Variants in RSF1 observed in about 807,000 individuals in gnomAD.
RSF1 encodes remodeling and spacing factor 1.
Under a neutral mutation model 145.2 loss-of-function variants are expected in RSF1, and 13 were observed. That is an observed-to-expected ratio of 0.09 (90% CI 0.06 to 0.14). The LOEUF (loss-of-function observed/expected upper bound fraction) is 0.14. Among genes scored for constraint, RSF1 ranks in the 10% least tolerant of loss-of-function variants. The pLI is 1.00. For missense variants in RSF1, 1,517 were observed against 1,718.2 expected, an observed-to-expected ratio of 0.88 and a Z score of 2.07; for synonymous variants, 577 against 592.6, an observed-to-expected ratio of 0.97 and a Z score of 0.38.
Position 77,700,818 on chromosome 11 carries a change from T to C in RSF1, c.2411A>G (p.Glu804Gly), listed in dbSNP as rs1410540246. The change falls in exon 6 of 16, where the codon GAA (glutamate) becomes GGA (glycine). Residue 804 changes from glutamate to glycine, a missense_variant. Glu to Gly is a moderately conservative substitution (Grantham distance 98, BLOSUM62 -2). Transcript: ENST00000308488. ...TGTTGACTCTTCTTCCACCTCATCTTCTCCTTCCCCTCTTTTTTTATCAGC... is the reference window on the plus strand; with the variant it reads ...TGTTGACTCTTCTTCCACCTCATCTCCTCCTTCCCCTCTTTTTTTATCAGC... ...QKADKKRGEGEDEVEEESTAL... is the reference protein window; with the variant it reads ...QKADKKRGEGGDEVEEESTAL... 1.9e-6 allele frequency: 3 copies of C among 1,613,000 alleles called. No homozygotes were observed. In the East Asian group the frequency reaches 6.7e-5, roughly 36 times the overall value.
At chr11:77,789,045 C>G (rs1005351645) in intron 1 of RSF1, among the ~76,000 whole-genome samples, 11 of 152,166 alleles carry the variant, frequency 7.2e-5, no homozygotes, top group Middle Eastern at 6.8e-3. Context: ...AAACAGAACA[C>G]TGGAATTCAA....
chr11:77,671,126 AAAAAAAAAAAAAATATATATATATATAT>A (rs1959519191), intron 15 of RSF1, among the ~76,000 whole-genome samples: 1 of 48,310 alleles, frequency 2.1e-5, no homozygotes, highest in African/African-American at 1.0e-4. Context: ...AAAAAAAAAA[AAAAAAAAAAAAAATATATATATATATAT>A]ATATATATAT....
the RSF1 span, among the ~76,000 whole-genome samples, chr11:77,852,357 C>T: frequency 6.6e-6 from 1 of 151,678 alleles, no homozygotes; most frequent in Non-Finnish European, 1.5e-5. Context: ...TGTTGGCATA[C>T]AATTTTAGAT....
intron 1 of RSF1, among the ~76,000 whole-genome samples, chr11:77,774,698 A>C (rs949367681): frequency 6.6e-6 from 1 of 151,340 alleles, no homozygotes; most frequent in Non-Finnish European, 1.5e-5. Context: ...AGGCAGAGGC[A>C]GGCAGATCAC....
intron 5 of RSF1, among the ~76,000 whole-genome samples, 180 bp downstream of exon 5, chr11:77,725,365 C>A (rs941846102): frequency 5.3e-5 from 8 of 152,000 alleles, no homozygotes; most frequent in African/African-American, 1.9e-4. Context: ...CATAAAAGAG[C>A]AACATATTTA....
rs74599701 is a variant in RSF1, at chr11:77,672,721, C to T, written c.3563-491G>A. ...TTTTTGAGACAGAGTCTCACTATGT[C>T]GCCCAGGCTGGAGTGCAGTGGCATG... On this transcript the variant is annotated intron_variant, in intron 14 of 15. Coordinates refer to ENST00000308488, the MANE Select transcript of RSF1 (RefSeq NM_016578.4). 3.9e-5 allele frequency among the ~76,000 whole-genome samples: 6 copies of T among 152,248 alleles called. No individual in the cohort carries two copies. The East Asian group carries it at 7.7e-4, about 20-fold the overall frequency.
At chr11:77,745,040 C>T (rs1439663379) in intron 3 of RSF1, among the ~76,000 whole-genome samples, 1 of 149,608 alleles carries the variant, frequency 6.7e-6, no homozygotes, top group Non-Finnish European at 1.5e-5. Context: ...AAGATACATG[C>T]TTCTAGTATA....
chr11:77,779,921 A>G (rs1948386252), intron 1 of RSF1, among the ~76,000 whole-genome samples: 1 of 152,184 alleles, frequency 6.6e-6, no homozygotes, highest in African/African-American at 2.4e-5. Flanking sequence ...AGGGCTTAGC[A>G]TGTACAGTTC....
At chr11:77,759,705 C>T (rs1034807145) in intron 2 of RSF1, among the ~76,000 whole-genome samples, 1 of 151,972 alleles carries the variant, frequency 6.6e-6, no homozygotes, top group Non-Finnish European at 1.5e-5. Context: ...AAAGAAAATC[C>T]TTTGCAATAT....
chr11:77,748,864 A>T (rs995543528), intron 2 of RSF1, among the ~76,000 whole-genome samples: 1 of 152,228 alleles, frequency 6.6e-6, no homozygotes, highest in Non-Finnish European at 1.5e-5. Context: ...CTTGTATACA[A>T]ATGTTCCTCG....
At chr11:77,765,715 C>G (rs1043818067) in intron 1 of RSF1, among the ~76,000 whole-genome samples, 5 of 152,130 alleles carry the variant, frequency 3.3e-5, no homozygotes, top group African/African-American at 1.2e-4. Context: ...ATTAATTAGA[C>G]CAGAGGGACA....
Position 77,692,506 on chromosome 11 carries a change from A to C in RSF1, c.2820+1001T>G, listed in dbSNP as rs1960180016. On this transcript the variant is annotated intron_variant, in intron 8 of 15. Coordinates refer to ENST00000308488, the MANE Select transcript of RSF1 (RefSeq NM_016578.4). ...TGATCCGCCCGCCTCGGCCTCCCAA[A>C]GTGCTGGGATTACAGGCGTGAGCCA... Among the ~76,000 whole-genome samples the C allele has an allele frequency of 2.0e-5, 2 of 102,036 alleles. 1 individual carries two copies. The highest frequency in any genetic ancestry group is 5.6e-4 in the South Asian group (2 of 3,594). The allele number at this position is 102,036 out of a possible 152,430, so 66.9% of individuals were successfully genotyped here. A position where few individuals can be genotyped will look rare whatever the true frequency, so the allele number is the denominator to read the frequency against.
intron 1 of RSF1, 97 bp downstream of exon 1, chr11:77,820,431 G>A: frequency 7.8e-7 from 1 of 1,283,140 alleles, no homozygotes. Flanking sequence ...CAGAGCCGCG[G>A]AGGCCCGAGC....
chr11:77,820,058 C>T (rs1221996444), intron 1 of RSF1, among the ~76,000 whole-genome samples: 1 of 152,176 alleles, frequency 6.6e-6, no homozygotes, highest in Non-Finnish European at 1.5e-5. Flanking sequence ...GTGTCCGGAG[C>T]AGCCGAGCCC....
At chr11:77,795,695 T>C (rs1217358170) in intron 1 of RSF1, among the ~76,000 whole-genome samples, 3 of 152,176 alleles carry the variant, frequency 2.0e-5, no homozygotes, top group Non-Finnish European at 4.4e-5. Flanking sequence ...CCTCTATTTC[T>C]CATCAAACAC....
intron 5 of RSF1, among the ~76,000 whole-genome samples, chr11:77,725,331 A>T (rs1232620456): frequency 1.3e-5 from 2 of 152,214 alleles, no homozygotes; most frequent in Non-Finnish European, 2.9e-5. Flanking sequence ...AACATTTTTT[A>T]CTAAGATATT....
intron 1 of RSF1, among the ~76,000 whole-genome samples, chr11:77,809,505 T>G (rs1948710739): frequency 6.6e-6 from 1 of 151,986 alleles, no homozygotes; most frequent in South Asian, 2.1e-4. Context: ...TACAACTAGG[T>G]AATAATAGAA....
At chr11:77,693,362 T>C (rs1565150362) in intron 8 of RSF1, 145 bp downstream of exon 8, 2 of 523,600 alleles carry the variant, frequency 3.8e-6, no homozygotes, top group Non-Finnish European at 6.8e-6. Context: ...CTAAAAGCTA[T>C]TAATAAAAGG....
At chr11:77,711,123 A>T (rs1346696169) in intron 5 of RSF1, among the ~76,000 whole-genome samples, 1 of 140,152 alleles carries the variant, frequency 7.1e-6, no homozygotes, top group Non-Finnish European at 1.5e-5. Context: ...ACCCCCCCTG[A>T]CCCCCACACA....
Sources: gnomAD v4.1 joint callset for allele counts (sites outside exome capture counted in the v4.1 genomes callset) on GRCh38, gnomAD v4.1.1 for gene constraint, MANE v1.5 for transcripts, NCBI Gene and HGNC (gene_info 2026-07-23, HGNC 2026-07-21) for gene names.